The following COL4A1 variants were observed in gnomAD, a reference collection of about 807,000 sequenced individuals.
The protein encoded by COL4A1 is collagen alpha-1(IV) chain.
In COL4A1, 40 loss-of-function variants were observed where a neutral mutation model predicts 216.6. The observed-to-expected ratio is 0.18, with a 90% CI of 0.14 to 0.24. The LOEUF is 0.24. Ranked by LOEUF, COL4A1 falls within the 10% of genes least tolerant of loss-of-function variation. The pLI, the probability that COL4A1 is intolerant of heterozygous loss-of-function variation, is 1.00. For missense variants in COL4A1, 1,628 were observed against 2,196.8 expected (o/e 0.74, Z 5.18); for synonymous variants, 839 against 810.7 (o/e 1.03, Z -0.59).
At chr13:110,170,856 C>T (rs1877609724) in intron 41 of COL4A1, 124 bp from the exon 42 acceptor site, 3 of 995,360 alleles carry the variant, frequency 3.0e-6, no homozygotes, top group Non-Finnish European at 4.6e-6. Flanking sequence ...AGGGAGCTTC[C>T]AGGGACACCA....
intron 1 of COL4A1, among the ~76,000 whole-genome samples, chr13:110,255,903 AGGGGG>A (rs1882534964): frequency 2.7e-4 from 10 of 36,872 alleles, no homozygotes; most frequent in Non-Finnish European, 4.5e-4. Context: ...GCAGGAAGGG[AGGGGG>A]AAGGCAGGAA....
rs189906854 is a variant in COL4A1, at chr13:110,284,764, G to A, written c.84+22180C>T. Among the ~76,000 whole-genome samples, 5 of 152,300 alleles carry A rather than the reference G, an allele frequency of 3.3e-5. No homozygotes were observed. In the East Asian group the frequency reaches 9.7e-4, roughly 29 times the overall value. The stretch of plus-strand genomic sequence containing the variant: ...AGTATTCACCTAATCAGAACAGTAA[G>A]GCAAATGCTGATGGAGATTACCATC... On this transcript the variant is annotated intron_variant, in intron 1 of 51. Coordinates refer to ENST00000375820, the MANE Select transcript of COL4A1 (RefSeq NM_001845.6).
intron 1 of COL4A1, among the ~76,000 whole-genome samples, chr13:110,293,301 T>C (rs563031403): frequency 5.9e-5 from 9 of 152,292 alleles, no homozygotes; most frequent in African/African-American, 2.2e-4. Context: ...GTGGCATTGC[T>C]CTGACCCAGG....
chr13:110,169,562 C>G, intron 43 of COL4A1, 67 bp downstream of exon 43: 1 of 1,606,832 alleles, frequency 6.2e-7, no homozygotes. Flanking sequence ...CACACATAGA[C>G]ACATATGAAT....
At chr13:110,300,146 T>G (rs191356734) in intron 1 of COL4A1, among the ~76,000 whole-genome samples, 1 of 152,210 alleles carries the variant, frequency 6.6e-6, no homozygotes, top group African/African-American at 2.4e-5. Flanking sequence ...TTAATAAATA[T>G]GAAGGAAACA....
At chr13:110,224,485 G>A (rs950624038) in intron 2 of COL4A1, among the ~76,000 whole-genome samples, 1 of 152,032 alleles carries the variant, frequency 6.6e-6, no homozygotes, top group South Asian at 2.1e-4. Context: ...ATCATGCCTG[G>A]CTAATTTTTG....
chr13:110,206,532 G>T, intron 15 of COL4A1, 133 bp downstream of exon 15: 1 of 1,019,296 alleles, frequency 9.8e-7, no homozygotes. Flanking sequence ...TCTCGGAAAA[G>T]CCCTTCGGGG....
chr13:110,254,329 A>G (rs747904935), intron 1 of COL4A1, among the ~76,000 whole-genome samples: 3 of 152,166 alleles, frequency 2.0e-5, no homozygotes, highest in Non-Finnish European at 4.4e-5. Context: ...GGGAGTATGC[A>G]GATAGTTTTC....
intron 1 of COL4A1, among the ~76,000 whole-genome samples, chr13:110,244,882 T>C (rs1467622535): frequency 6.6e-6 from 1 of 152,172 alleles, no homozygotes; most frequent in Non-Finnish European, 1.5e-5. Flanking sequence ...TGACACATTA[T>C]CAATTGTTAG....
chr13:110,232,693 C>T (rs2139233956), intron 2 of COL4A1, among the ~76,000 whole-genome samples: 1 of 152,264 alleles, frequency 6.6e-6, no homozygotes, highest in Non-Finnish European at 1.5e-5. Flanking sequence ...CCAATGACAG[C>T]CTGTACTCCT....
intron 1 of COL4A1, among the ~76,000 whole-genome samples, chr13:110,256,750 G>GA (rs1444467163): frequency 1.3e-5 from 2 of 151,870 alleles, no homozygotes; most frequent in Non-Finnish European, 2.9e-5. Context: ...GCGGCGGGGG[G>GA]GTCTATCCGA....
At chr13:110,204,473 C>T (rs933742969) in intron 17 of COL4A1, among the ~76,000 whole-genome samples, 40 of 152,078 alleles carry the variant, frequency 2.6e-4, no homozygotes, top group African/African-American at 9.4e-4. Flanking sequence ...ATAAATTAAC[C>T]GTAGGCTACT....
At chr13:110,161,933 T>A in intron 48 of COL4A1, 1 of 454,244 alleles carries the variant, frequency 2.2e-6, no homozygotes, top group Admixed American at 3.5e-5. Context: ...GGAATCTTGA[T>A]CCTACTTGAT....
Position 110,150,222 on chromosome 13 carries a change from G to A in COL4A1, c.*141C>T, listed in dbSNP as rs1484499025. ...GAGGTCAATGAAGCAGGGTGTGTTAGTTACGCAAATTCCTATAAGGCACTT... is the reference window on the plus strand; with the variant it reads ...GAGGTCAATGAAGCAGGGTGTGTTAATTACGCAAATTCCTATAAGGCACTT... On this transcript the variant is annotated 3_prime_UTR_variant, in exon 52 of 52. Transcript: ENST00000375820. The A allele has an allele frequency of 1.3e-6, 1 of 788,502 alleles. No individual in the cohort carries two copies. Among genetic ancestry groups the A allele is most frequent in the Non-Finnish European group, 2.2e-6 (1 of 463,858 alleles). The allele number at this position is 788,502 out of a possible 1,614,324, so 48.8% of individuals were successfully genotyped here.
rs559381430 is a variant in COL4A1, at chr13:110,230,808, T to C, written c.144+11867A>G. ...ACGGTCTCCTGTGAAGAAATGCAGG[T>C]TCCACGTGCAGAGGCGGAAGCAAGG... On this transcript the variant is annotated intron_variant, in intron 2 of 51. Coordinates refer to ENST00000375820, the MANE Select transcript of COL4A1 (RefSeq NM_001845.6). Among the ~76,000 whole-genome samples, 7 of 152,306 alleles carry C rather than the reference T, an allele frequency of 4.6e-5. No homozygotes were observed. The South Asian group carries it at 1.5e-3, about 32-fold the overall frequency.
At position 110,238,691 on chromosome 13, in the gene COL4A1, T is replaced by G. The variant is rs529904427; in HGVS notation, c.144+3984A>C. On this transcript the variant is annotated intron_variant, in intron 2 of 51. Coordinates refer to ENST00000375820, the MANE Select transcript of COL4A1 (RefSeq NM_001845.6). ...CTAGTTTAACTTTAAATTCCCTTTT[T>G]TGGACACTGCAGGGTCACAGACTAT... Among the ~76,000 whole-genome samples, 36 of 152,322 alleles carry G rather than the reference T, an allele frequency of 2.4e-4. No individual in the cohort carries two copies. The South Asian group carries it at 7.5e-3, about 32-fold the overall frequency.
intron 22 of COL4A1, among the ~76,000 whole-genome samples, 158 bp downstream of exon 22, chr13:110,194,865 T>C (rs1234844032): frequency 1.3e-5 from 2 of 152,144 alleles, no homozygotes; most frequent in African/African-American, 4.8e-5. Flanking sequence ...TTCCGGAAGA[T>C]GCTTATTCTA....
intron 1 of COL4A1, 56 bp downstream of exon 1, chr13:110,306,888 T>C: frequency 4.3e-6 from 6 of 1,409,876 alleles, no homozygotes; most frequent in East Asian, 3.0e-5. Context: ...AAGGGGCCTC[T>C]CGGGGCGCCC....
rs1198490512 is a variant in COL4A1 at position 110,200,893 on chromosome 13, A to G, written c.1085-4T>C. The G allele has an allele frequency of 1.2e-6, 2 of 1,614,156 alleles. No homozygotes were observed. Among genetic ancestry groups the G allele is most frequent in the Non-Finnish European group, 8.5e-7 (1 of 1,179,984 alleles). The stretch of plus-strand genomic sequence containing the variant: ...TGGCCTGGTAGTCCTGGGAAACCTG[A>G]AAAGAGAAAGAGAGTGTTGGATCAA... On this transcript the variant is annotated splice_region_variant and splice_polypyrimidine_tract_variant and intron_variant, in intron 19 of 51. Coordinates refer to ENST00000375820, the MANE Select transcript of COL4A1 (RefSeq NM_001845.6).
Sources: gnomAD v4.1 joint callset for allele counts (sites outside exome capture counted in the v4.1 genomes callset) on GRCh38, gnomAD v4.1.1 for gene constraint, MANE v1.5 for transcripts, NCBI Gene and HGNC (gene_info 2026-07-23, HGNC 2026-07-21) for gene names.